ADGB: variants seen among roughly 807,000 people sequenced by gnomAD.
ADGB encodes androglobin.
ADGB carries 172 observed loss-of-function variants against 210.5 expected under a neutral mutation model. The observed-to-expected ratio is 0.82, with a 90% confidence interval of 0.72 to 0.93. The LOEUF (loss-of-function observed/expected upper bound fraction) is 0.93, where lower values mean the gene tolerates loss of function less well. Ranked by LOEUF, ADGB falls within the 40% of genes least tolerant of loss-of-function variation. The pLI is 0.00. For missense variants in ADGB, 2,025 were observed against 1,964.8 expected, an observed-to-expected ratio of 1.03 and a Z score of -0.58; for synonymous variants, 658 against 662.7, an observed-to-expected ratio of 0.99 and a Z score of 0.11.
At chr6:146,764,793 T>A (rs1399449177) in intron 28 of ADGB, among the ~76,000 whole-genome samples, 1 of 152,022 alleles carries the variant, frequency 6.6e-6, no homozygotes, top group African/African-American at 2.4e-5. Context: ...GTGATGATAG[T>A]GTTTTGTTTG....
At chr6:146,674,194 C>T (rs771283620) in intron 8 of ADGB, among the ~76,000 whole-genome samples, 31 of 152,036 alleles carry the variant, frequency 2.0e-4, no homozygotes, top group South Asian at 8.3e-4. Context: ...GTAGAAGATA[C>T]ATTGGAGGGG....
At chr6:146,635,566 C>A (rs1775406183) in intron 2 of ADGB, 29 bp downstream of exon 2, 1 of 1,458,474 alleles carries the variant, frequency 6.9e-7, no homozygotes. Context: ...GACTAGGTTT[C>A]ATTTTGGTTT....
At chr6:146,610,537 C>T (rs557929195) in intron 1 of ADGB, among the ~76,000 whole-genome samples, 1 of 152,088 alleles carries the variant, frequency 6.6e-6, no homozygotes, top group Non-Finnish European at 1.5e-5. Flanking sequence ...TTCTTTGAAG[C>T]CCTTGAGGGT....
chr6:146,652,095 A>T (rs910676542), intron 3 of ADGB, among the ~76,000 whole-genome samples: 28 of 152,178 alleles, frequency 1.8e-4, no homozygotes, highest in Admixed American at 1.5e-3. Context: ...CTGAAGATTT[A>T]TCCTGTCCCG....
chr6:146,771,869 C>T (rs1174627947), intron 29 of ADGB, among the ~76,000 whole-genome samples: 2 of 152,178 alleles, frequency 1.3e-5, no homozygotes, highest in Admixed American at 1.3e-4. Flanking sequence ...GTAGATTTTA[C>T]ATTACATTTC....
At chr6:146,686,297 T>C (rs1000063543) in intron 10 of ADGB, among the ~76,000 whole-genome samples, 4 of 152,182 alleles carry the variant, frequency 2.6e-5, no homozygotes, top group African/African-American at 9.6e-5. Context: ...ACAAAATAAA[T>C]GCTAATTGTT....
chr6:146,670,037 A>G (rs1040362843), intron 7 of ADGB, among the ~76,000 whole-genome samples: 2 of 152,192 alleles, frequency 1.3e-5, no homozygotes, highest in East Asian at 3.9e-4. Flanking sequence ...TCTCACTGGC[A>G]TCTGTCAACA....
chr6:146,694,987 C>A (rs1002809838), intron 12 of ADGB, among the ~76,000 whole-genome samples: 1 of 152,136 alleles, frequency 6.6e-6, no homozygotes, highest in Non-Finnish European at 1.5e-5. Flanking sequence ...TTGTAATATA[C>A]ACATTATTAA....
At chr6:146,751,831 C>T (rs1223249318) in intron 26 of ADGB, among the ~76,000 whole-genome samples, 6 of 151,948 alleles carry the variant, frequency 3.9e-5, no homozygotes, top group Admixed American at 2.6e-4. Flanking sequence ...TTATAAGTGA[C>T]TGCTTATTAC....
At chr6:146,748,078 C>T (rs1360903770) in intron 26 of ADGB, among the ~76,000 whole-genome samples, 1 of 151,822 alleles carries the variant, frequency 6.6e-6, no homozygotes, top group Non-Finnish European at 1.5e-5. Context: ...GCAACTGCGC[C>T]CAGCCCATTA....
chr6:146,779,993 T>C (rs531989951), intron 29 of ADGB, among the ~76,000 whole-genome samples: 4 of 152,004 alleles, frequency 2.6e-5, no homozygotes, highest in Admixed American at 6.5e-5. Flanking sequence ...TGTATTCTCC[T>C]GATTTAAAAG....
chr6:146,752,740 AG>A, intron 27 of ADGB, 26 bp downstream of exon 27: 2 of 1,486,442 alleles, frequency 1.3e-6, no homozygotes, highest in Non-Finnish European at 1.8e-6. Flanking sequence ...TGAACAGGAT[AG>A]TTAGATTCAT....
At position 146,664,256 on chromosome 6, in the gene ADGB, A is replaced by G. The variant is rs1314440111; in HGVS notation, c.668A>G (p.Asn223Ser). 15 of 1,549,790 alleles carry G rather than the reference A, an allele frequency of 9.7e-6. No homozygotes were observed. The highest frequency in any genetic ancestry group is 4.9e-5 in the East Asian group (2 of 40,788). Residue 223 changes from asparagine (N) to serine (S), a missense_variant, in exon 6 of 36, where the codon AAT (asparagine) becomes AGT (serine). Coordinates refer to ENST00000397944, the MANE Select transcript of ADGB (RefSeq NM_024694.4). ...TTTTTGCCTTTTGATGAAGATAACA[A>G]TCTATTGCTTCCAGCTACAACTTAT... ...DDFLPFDEDN[N>S]LLLPATTYEF...
intron 31 of ADGB, 113 bp from the exon 32 acceptor site, chr6:146,785,496 AT>A: frequency 1.5e-6 from 1 of 686,366 alleles, no homozygotes; most frequent in South Asian, 2.4e-5. Context: ...AGACTGCCCT[AT>A]TTAATTCACA....
intron 7 of ADGB, among the ~76,000 whole-genome samples, chr6:146,667,575 C>G (rs1312643911): frequency 6.6e-6 from 1 of 151,970 alleles, no homozygotes; most frequent in Non-Finnish European, 1.5e-5. Flanking sequence ...GCAGGTCTCC[C>G]ACACTTATAT....
intron 27 of ADGB, among the ~76,000 whole-genome samples, chr6:146,758,778 ATAATT>A (rs912573230): frequency 1.3e-5 from 2 of 152,008 alleles, no homozygotes; most frequent in Non-Finnish European, 2.9e-5. Flanking sequence ...TATAGATACT[ATAATT>A]TAAGGAAACT....
intron 19 of ADGB, among the ~76,000 whole-genome samples, chr6:146,726,695 T>C (rs1390388808): frequency 6.6e-6 from 1 of 152,224 alleles, no homozygotes; most frequent in Admixed American, 6.5e-5. Flanking sequence ...GGTATACAAG[T>C]GAAATATGTA....
chr6:146,607,321 G>A (rs1014621939), intron 1 of ADGB, among the ~76,000 whole-genome samples: 2 of 152,082 alleles, frequency 1.3e-5, no homozygotes, highest in Non-Finnish European at 2.9e-5. Context: ...ACTATGTATA[G>A]ACTCATATAG....
At chr6:146,633,584 G>T (rs185302089) in intron 1 of ADGB, among the ~76,000 whole-genome samples, 1 of 151,956 alleles carries the variant, frequency 6.6e-6, no homozygotes, top group Non-Finnish European at 1.5e-5. Flanking sequence ...TCTGCATCTG[G>T]AATACTCTTC....
Sources: allele counts gnomAD v4.1 joint callset (sites outside exome capture counted in the v4.1 genomes callset), GRCh38; gene constraint gnomAD v4.1.1; transcripts MANE v1.5; gene names NCBI Gene and HGNC (gene_info 2026-07-23, HGNC 2026-07-21).